Variants in RFX7 observed in about 807,000 individuals in gnomAD.
The protein encoded by RFX7 is regulatory factor X7.
Under a neutral mutation model 111.8 loss-of-function variants are expected in RFX7, and 26 were observed. That is an observed-to-expected ratio of 0.23 (90% CI 0.17 to 0.32). The LOEUF (loss-of-function observed/expected upper bound fraction) is 0.32. Ranked by LOEUF, RFX7 falls within the 10% of genes least tolerant of loss-of-function variation. The pLI, the probability that RFX7 is intolerant of heterozygous loss-of-function variation, is 1.00. For missense variants in RFX7, 1,573 were observed against 1,772.9 expected (o/e 0.89, Z 2.02); for synonymous variants, 624 against 624.4 (o/e 1.00, Z 0.01).
chr15:56,119,000 G>C (rs557331628), intron 5 of RFX7, among the ~76,000 whole-genome samples: 7 of 152,154 alleles, frequency 4.6e-5, no homozygotes, highest in African/African-American at 1.7e-4. Context: ...TCTGAGAAAT[G>C]TCTATATAGG....
intron 5 of RFX7, among the ~76,000 whole-genome samples, chr15:56,105,974 A>C (rs1238241660): frequency 6.6e-6 from 1 of 152,206 alleles, no homozygotes; most frequent in Non-Finnish European, 1.5e-5. Context: ...GGTATGAATT[A>C]TGGTGTCTAG....
At chr15:56,142,015 A>T (rs1230969777) in intron 5 of RFX7, among the ~76,000 whole-genome samples, 3 of 152,124 alleles carry the variant, frequency 2.0e-5, no homozygotes, top group African/African-American at 7.2e-5. Context: ...GGTTAGCAAT[A>T]GCACTTATTT....
At chr15:56,149,983 C>T (rs959311561) in intron 3 of RFX7, among the ~76,000 whole-genome samples, 2 of 140,940 alleles carry the variant, frequency 1.4e-5, no homozygotes, top group Non-Finnish European at 3.0e-5. Flanking sequence ...GCTGCCAGCA[C>T]AGCAGCAATC....
intron 5 of RFX7, among the ~76,000 whole-genome samples, chr15:56,141,656 A>AATAAATATATATAT (rs1555421060): frequency 3.6e-5 from 3 of 83,210 alleles, no homozygotes; most frequent in Non-Finnish European, 6.6e-5. Context: ...GCTTACTCTA[A>AATAAATATATATAT]ATATATATAT....
intron 3 of RFX7, among the ~76,000 whole-genome samples, chr15:56,168,503 T>C (rs2042808231): frequency 6.6e-6 from 1 of 152,184 alleles, no homozygotes; most frequent in African/African-American, 2.4e-5. Context: ...GATAGCATAG[T>C]ACATGGTAAT....
rs995620945 is a variant in RFX7 at position 56,225,602 on chromosome 15, A to G, written c.161+17523T>C. ...TTTAGAAGTCAGGAATCCCAATCAC[A>G]TCTCACTTTAGAAGTTAGGAACTCC... On this transcript the variant is annotated intron_variant, in intron 2 of 9. Coordinates refer to ENST00000559447, the MANE Select transcript of RFX7 (RefSeq NM_022841.7). Among the ~76,000 whole-genome samples the G allele has an allele frequency of 1.3e-3, 198 of 152,164 alleles. 2 individuals are homozygous for G. Among genetic ancestry groups the G allele is most frequent in the Admixed American group, 5.9e-4 (9 of 15,274 alleles).
At chr15:56,163,960 G>C (rs557045342) in intron 3 of RFX7, among the ~76,000 whole-genome samples, 4 of 152,004 alleles carry the variant, frequency 2.6e-5, no homozygotes, top group Non-Finnish European at 5.9e-5. Context: ...AAACTCAAAC[G>C]CCAGGCACGT....
intron 3 of RFX7, among the ~76,000 whole-genome samples, chr15:56,162,323 G>C (rs1336322395): frequency 2.6e-5 from 4 of 151,928 alleles, no homozygotes; most frequent in Non-Finnish European, 5.9e-5. Context: ...CTCCCCTAGA[G>C]TTTACTTTTC....
chr15:56,087,600 G>A lies in RFX7; in HGVS notation c.*5745C>T. The A allele has an allele frequency of 2.2e-6, 1 of 455,880 alleles. No individual in the cohort carries two copies. The highest frequency in any genetic ancestry group is 1.6e-5 in the South Asian group (1 of 64,442). The allele number at this position is 455,880 out of a possible 1,614,324, so 28.2% of individuals were successfully genotyped here. Reference sequence around the variant, plus strand: ...TTAACTGCAAGGGAAGTTGGCAGATGCAGCCTTTTGGTCAGATGGCTGTGT... The same window carrying A: ...TTAACTGCAAGGGAAGTTGGCAGATACAGCCTTTTGGTCAGATGGCTGTGT... On this transcript the variant is annotated 3_prime_UTR_variant, in exon 10 of 10. Transcript: ENST00000559447.
intron 2 of RFX7, among the ~76,000 whole-genome samples, chr15:56,186,796 A>G (rs1478410614): frequency 1.3e-5 from 2 of 152,126 alleles, no homozygotes; most frequent in East Asian, 3.9e-4. Flanking sequence ...CACCACTACA[A>G]CCAATAAACT....
chr15:56,194,282 T>C (rs970819353), intron 2 of RFX7, among the ~76,000 whole-genome samples: 9 of 152,220 alleles, frequency 5.9e-5, no homozygotes, highest in Non-Finnish European at 1.0e-4. Context: ...TCCTATATAC[T>C]TGATTCAAAT....
intron 2 of RFX7, among the ~76,000 whole-genome samples, chr15:56,235,147 G>A (rs2043608631): frequency 6.6e-6 from 1 of 151,746 alleles, no homozygotes; most frequent in African/African-American, 2.4e-5. Context: ...GAAGCAGCCA[G>A]TTCATACAGT....
chr15:56,184,777 C>G (rs1038897489), intron 2 of RFX7, among the ~76,000 whole-genome samples: 1 of 152,118 alleles, frequency 6.6e-6, no homozygotes, highest in African/African-American at 2.4e-5. Flanking sequence ...TTGTCATTCA[C>G]GTTGCTTTAT....
At chr15:56,147,613 G>A (rs1281823683) in intron 3 of RFX7, among the ~76,000 whole-genome samples, 7 of 150,360 alleles carry the variant, frequency 4.7e-5, no homozygotes, top group South Asian at 2.1e-4. Flanking sequence ...TTGCTGTGTC[G>A]CCCAGGCTGG....
At chr15:56,225,052 C>A (rs1392423148) in intron 2 of RFX7, among the ~76,000 whole-genome samples, 3 of 152,052 alleles carry the variant, frequency 2.0e-5, no homozygotes, top group Non-Finnish European at 4.4e-5. Context: ...AAAAAAAGAA[C>A]AAGAACAGCA....
Position 56,109,914 on chromosome 15 carries a change from TG to T in RFX7, c.402-6245del, listed in dbSNP as rs1192693867. Among the ~76,000 whole-genome samples, 6 of 147,916 alleles carry T rather than the reference TG, an allele frequency of 4.1e-5. No individual in the cohort carries two copies. The East Asian group carries it at 1.0e-3, about 26-fold the overall frequency. On this transcript the variant is annotated intron_variant, in intron 5 of 9. Coordinates refer to ENST00000559447, the MANE Select transcript of RFX7 (RefSeq NM_022841.7). The stretch of plus-strand genomic sequence containing the variant: ...GCAGCCACCCCGTCCGGGAGGGAGA[TG>T]GGGGGGTCAGACCCTCGCCTGGCCA...
At chr15:56,127,392 C>A (rs2042157681) in intron 5 of RFX7, among the ~76,000 whole-genome samples, 1 of 150,636 alleles carries the variant, frequency 6.6e-6, no homozygotes, top group South Asian at 2.1e-4. Flanking sequence ...AAATCAATAA[C>A]CTAATCTTCC....
rs1372454470 is a variant in RFX7, at chr15:56,177,999, A to AT, written c.195+1270dup. Among the ~76,000 whole-genome samples, 6 of 152,048 alleles carry AT rather than the reference A, an allele frequency of 3.9e-5. No individual in the cohort carries two copies. In the East Asian group the frequency reaches 1.2e-3, roughly 29 times the overall value. Reference sequence around the variant, plus strand: ...ATGGAATATGTCTTTTCTGTTTTGTATTCCTTATGAGTAAAACTGGCAGAC... The same window carrying AT: ...ATGGAATATGTCTTTTCTGTTTTGTATTTCCTTATGAGTAAAACTGGCAGAC... On this transcript the variant is annotated intron_variant, in intron 3 of 9. Coordinates refer to ENST00000559447, the MANE Select transcript of RFX7 (RefSeq NM_022841.7).
chr15:56,154,384 C>T (rs1196978532), intron 3 of RFX7, among the ~76,000 whole-genome samples: 5 of 147,868 alleles, frequency 3.4e-5, no homozygotes, highest in African/African-American at 9.8e-5. Context: ...TCAAACTATA[C>T]TACAAGGCTA....
Sources: allele counts gnomAD v4.1 joint callset (sites outside exome capture counted in the v4.1 genomes callset), GRCh38; gene constraint gnomAD v4.1.1; transcripts MANE v1.5; gene names NCBI Gene and HGNC (gene_info 2026-07-23, HGNC 2026-07-21).